The following RUNX2 variants were observed in gnomAD, a reference collection of about 807,000 sequenced individuals.
RUNX2 encodes the protein runt-related transcription factor 2.
RUNX2 carries 10 observed loss-of-function variants against 51.7 expected under a neutral mutation model. The observed-to-expected ratio is 0.19, with a 90% CI of 0.12 to 0.33. The LOEUF (loss-of-function observed/expected upper bound fraction) is 0.33, where lower values mean the gene tolerates loss of function less well. Among genes scored for constraint, RUNX2 ranks in the 10% least tolerant of loss-of-function variants. RUNX2 has a pLI of 1.00. For missense variants in RUNX2, 562 were observed against 691.3 expected, an observed-to-expected ratio of 0.81 and a Z score of 2.10; for synonymous variants, 276 against 273.6, an observed-to-expected ratio of 1.01 and a Z score of -0.09.
In RUNX2 at chr6:45,544,855, G is replaced by A. The variant is rs144880788; in HGVS notation, c.1022-362G>A. On this transcript the variant is annotated intron_variant, in intron 7 of 8. Transcript: ENST00000647337. ...TTATGGAGCATCTGCTCCCATTTCT[G>A]ATTCTGTCATAATCGCTGTTTCCAC... Among the ~76,000 whole-genome samples the A allele has an allele frequency of 2.2e-3, 331 of 152,302 alleles. 4 individuals carry two copies. The highest frequency in any genetic ancestry group is 7.1e-3 in the African/African-American group (297 of 41,568).
chr6:45,473,556 T>C (rs1159489328), intron 5 of RUNX2, among the ~76,000 whole-genome samples: 1 of 152,220 alleles, frequency 6.6e-6, no homozygotes, highest in Non-Finnish European at 1.5e-5. Context: ...CAAGGAAATT[T>C]ACCTTACATT....
intron 2 of RUNX2, among the ~76,000 whole-genome samples, chr6:45,387,230 T>C (rs906305921): frequency 2.6e-5 from 4 of 152,200 alleles, no homozygotes; most frequent in African/African-American, 2.4e-5. Context: ...AATGGCAGTT[T>C]TGGACATATG....
intron 5 of RUNX2, among the ~76,000 whole-genome samples, chr6:45,475,350 A>G (rs1029737242): frequency 6.6e-6 from 1 of 152,056 alleles, no homozygotes; most frequent in Admixed American, 6.5e-5. Flanking sequence ...TAGAAATTAG[A>G]CTTATTGGCA....
chr6:45,527,006 G>C (rs375401226), intron 7 of RUNX2, among the ~76,000 whole-genome samples: 59 of 152,248 alleles, frequency 3.9e-4, no homozygotes, highest in African/African-American at 1.4e-3. Context: ...ATATTATCTA[G>C]GGATATGTAC....
At chr6:45,407,473 A>T (rs969026446) in intron 2 of RUNX2, among the ~76,000 whole-genome samples, 16 of 151,886 alleles carry the variant, frequency 1.1e-4, no homozygotes, top group African/African-American at 3.6e-4. Context: ...TCCCACTCTT[A>T]TTCTTCTTCC....
chr6:45,422,496 A>AC (rs1225543388), intron 2 of RUNX2, 97 bp from the exon 3 acceptor site: 33 of 217,972 alleles, frequency 1.5e-4, no homozygotes, highest in Admixed American at 5.4e-4. Context: ...TCTCGCCTTC[A>AC]CCCCCCCAAT....
chr6:45,515,170 T>C (rs147605982), intron 7 of RUNX2, among the ~76,000 whole-genome samples: 4 of 152,202 alleles, frequency 2.6e-5, no homozygotes, highest in Non-Finnish European at 4.4e-5. Flanking sequence ...TTCATCTCCA[T>C]ATCTAAAGGG....
At chr6:45,531,263 C>T (rs1448461638) in intron 7 of RUNX2, among the ~76,000 whole-genome samples, 2 of 152,234 alleles carry the variant, frequency 1.3e-5, no homozygotes, top group African/African-American at 2.4e-5. Flanking sequence ...CTGATCTTTC[C>T]AGCCCAAACC....
At chr6:45,370,114 A>C (rs1795804471) in intron 2 of RUNX2, among the ~76,000 whole-genome samples, 1 of 152,252 alleles carries the variant, frequency 6.6e-6, no homozygotes, top group Non-Finnish European at 1.5e-5. Context: ...AGCTGGGAGA[A>C]TATACTATAT....
At chr6:45,365,136 C>A in intron 2 of RUNX2, 1 of 968,046 alleles carries the variant, frequency 1.0e-6, no homozygotes, top group Non-Finnish European at 1.6e-6. Context: ...GTTGTTATGT[C>A]TATTGTCTTT....
At chr6:45,413,662 C>T (rs4370348) in intron 2 of RUNX2, among the ~76,000 whole-genome samples, 12,145 of 151,998 alleles carry the variant, frequency 0.08, 715 homozygotes, top group South Asian at 0.18. Flanking sequence ...AACTTCTGAC[C>T]TTGTGATCCG....
chr6:45,334,964 A>T (rs1468541194), intron 2 of RUNX2, among the ~76,000 whole-genome samples: 2 of 151,314 alleles, frequency 1.3e-5, no homozygotes, highest in Non-Finnish European at 3.0e-5. Flanking sequence ...AAGTAACAAT[A>T]ATTAAAAACT....
intron 5 of RUNX2, among the ~76,000 whole-genome samples, chr6:45,490,493 C>A (rs765349397): frequency 2.1e-4 from 32 of 151,800 alleles, no homozygotes; most frequent in Admixed American, 5.2e-4. Context: ...GCTGGGAAGG[C>A]AATGAAAAAG....
At chr6:45,401,734 C>A (rs1376696941) in intron 2 of RUNX2, among the ~76,000 whole-genome samples, 1 of 152,230 alleles carries the variant, frequency 6.6e-6, no homozygotes, top group African/African-American at 2.4e-5. Context: ...GGCTAATGAA[C>A]AACAGGCATA....
chr6:45,480,389 A>G (rs534526429), intron 5 of RUNX2, among the ~76,000 whole-genome samples: 1 of 152,348 alleles, frequency 6.6e-6, no homozygotes, highest in East Asian at 1.9e-4. Flanking sequence ...TATTTCAAAG[A>G]CGTCTCTTGT....
intron 2 of RUNX2, among the ~76,000 whole-genome samples, chr6:45,373,699 C>T (rs576946684): frequency 9.2e-5 from 14 of 152,192 alleles, no homozygotes; most frequent in African/African-American, 3.1e-4. Context: ...TACAGGCATG[C>T]ACCACCATGC....
At chr6:45,422,502 CCAATTTCCTCCTTGCCCCTCATTTCCA>C in intron 2 of RUNX2, 64 bp from the exon 3 acceptor site, 1 of 924,706 alleles carries the variant, frequency 1.1e-6, no homozygotes, top group Non-Finnish European at 1.5e-6. Flanking sequence ...CTTCACCCCC[CCAATTTCCTCCTTGCCCCTCATTTCCA>C]CCCTCCTCCC....
At chr6:45,385,903 C>T (rs1797337139) in intron 2 of RUNX2, among the ~76,000 whole-genome samples, 1 of 152,100 alleles carries the variant, frequency 6.6e-6, no homozygotes, top group South Asian at 2.1e-4. Context: ...GCCACAATAT[C>T]GTGCTTCTCC....
intron 2 of RUNX2, among the ~76,000 whole-genome samples, chr6:45,410,058 GT>G (rs1797916768): frequency 6.6e-6 from 1 of 152,188 alleles, no homozygotes; most frequent in African/African-American, 2.4e-5. Flanking sequence ...TCAAATTTGG[GT>G]TTTACTTTTT....
Sources: allele counts gnomAD v4.1 joint callset (sites outside exome capture counted in the v4.1 genomes callset), GRCh38; gene constraint gnomAD v4.1.1; transcripts MANE v1.5; gene names NCBI Gene and HGNC (gene_info 2026-07-23, HGNC 2026-07-21).